Variants in TNR observed in about 807,000 individuals in gnomAD.
The protein encoded by TNR is tenascin R, also known as tenascin-R.
In TNR, 45 loss-of-function variants were observed where a neutral mutation model predicts 150.4. The observed-to-expected ratio is 0.30, with a 90% CI of 0.24 to 0.38. The LOEUF (loss-of-function observed/expected upper bound fraction) is 0.38. Ranked by LOEUF, TNR falls within the 10% of genes least tolerant of loss-of-function variation. The pLI is 1.00. For synonymous variants in TNR, 687 were observed against 678.4 expected, an observed-to-expected ratio of 1.01 and a Z score of -0.20; for missense variants, 1,544 against 1,759.1, an observed-to-expected ratio of 0.88 and a Z score of 2.19.
intron 1 of TNR, among the ~76,000 whole-genome samples, chr1:175,616,016 T>A (rs1663762258): frequency 6.6e-6 from 1 of 152,216 alleles, no homozygotes; most frequent in South Asian, 2.1e-4. Context: ...ATAGCTACAT[T>A]AAGGTAATTT....
chr1:175,684,013 G>A (rs1336358777), intron 1 of TNR, among the ~76,000 whole-genome samples: 2 of 152,142 alleles, frequency 1.3e-5, no homozygotes, highest in Non-Finnish European at 2.9e-5. Flanking sequence ...AGCCAAAGTG[G>A]GATTCAGGAA....
intron 1 of TNR, among the ~76,000 whole-genome samples, chr1:175,700,082 G>A (rs191483299): frequency 5.3e-5 from 8 of 151,662 alleles, no homozygotes; most frequent in South Asian, 2.1e-4. Context: ...GACCCCAAGC[G>A]AAGGAGAAAG....
chr1:175,667,811 C>T (rs1229068539), intron 1 of TNR, among the ~76,000 whole-genome samples: 4 of 152,166 alleles, frequency 2.6e-5, no homozygotes, highest in Non-Finnish European at 5.9e-5. Context: ...ATACACTTTT[C>T]TTGTATGTTG....
intron 1 of TNR, among the ~76,000 whole-genome samples, chr1:175,646,114 A>G (rs111824331): frequency 6.6e-6 from 1 of 152,300 alleles, no homozygotes; most frequent in African/African-American, 2.4e-5. Context: ...AAGATATTCT[A>G]GTTGCACGCA....
intron 2 of TNR, among the ~76,000 whole-genome samples, chr1:175,510,198 C>T (rs1346581528): frequency 6.6e-6 from 1 of 152,148 alleles, no homozygotes; most frequent in Non-Finnish European, 1.5e-5. Flanking sequence ...CACTGCACTC[C>T]AGCCCGGATG....
chr1:175,694,679 TGA>T (rs1404501445), intron 1 of TNR, among the ~76,000 whole-genome samples: 1 of 152,194 alleles, frequency 6.6e-6, no homozygotes, highest in African/African-American at 2.4e-5. Context: ...GGGACTTTAA[TGA>T]GACAATTAAG....
At chr1:175,400,771 C>T (rs1352968647) in intron 4 of TNR, among the ~76,000 whole-genome samples, 1 of 152,160 alleles carries the variant, frequency 6.6e-6, no homozygotes, top group Non-Finnish European at 1.5e-5. Context: ...GAACATCGTG[C>T]TGTGGTGTGT....
intron 4 of TNR, among the ~76,000 whole-genome samples, 156 bp from the exon 5 acceptor site, chr1:175,396,963 G>A (rs537287010): frequency 2.6e-5 from 4 of 152,278 alleles, no homozygotes; most frequent in East Asian, 1.9e-4. Flanking sequence ...TTTGTGAGCA[G>A]GCTCTTGTCT....
chr1:175,458,118 C>A (rs1048550319), intron 2 of TNR, among the ~76,000 whole-genome samples: 2 of 152,200 alleles, frequency 1.3e-5, no homozygotes, highest in African/African-American at 2.4e-5. Context: ...GAGCCTGGTG[C>A]AGAGCTCCAT....
chr1:175,690,523 G>C (rs1666329598), intron 1 of TNR, among the ~76,000 whole-genome samples: 1 of 152,238 alleles, frequency 6.6e-6, no homozygotes, highest in Non-Finnish European at 1.5e-5. Context: ...CCCCAGGTGG[G>C]AATAAGCTGG....
intron 1 of TNR, among the ~76,000 whole-genome samples, chr1:175,590,955 AAAC>A (rs1380307548): frequency 2.6e-5 from 4 of 152,238 alleles, no homozygotes; most frequent in African/African-American, 9.6e-5. Context: ...CAGGAAAAAC[AAAC>A]AATAAAACCA....
intron 2 of TNR, among the ~76,000 whole-genome samples, chr1:175,428,318 G>A (rs1296425959): frequency 6.6e-6 from 1 of 152,154 alleles, no homozygotes; most frequent in East Asian, 1.9e-4. Flanking sequence ...GCCTACTGCT[G>A]ACCAGCATCT....
intron 1 of TNR, among the ~76,000 whole-genome samples, chr1:175,541,589 T>C (rs1464208796): frequency 6.6e-6 from 1 of 152,082 alleles, no homozygotes; most frequent in Non-Finnish European, 1.5e-5. Flanking sequence ...TGATTAAAAA[T>C]GAATGAGTTT....
At chr1:175,355,914 C>T (rs900437945) in intron 16 of TNR, among the ~76,000 whole-genome samples, 4 of 152,198 alleles carry the variant, frequency 2.6e-5, no homozygotes, top group Non-Finnish European at 4.4e-5. Flanking sequence ...GATCTGGACC[C>T]TGATAAACTC....
chr1:175,359,663 C>A lies in TNR; in HGVS notation c.2923G>T (p.Ala975Ser), dbSNP rs781518751. The A allele has an allele frequency of 2.5e-6, 4 of 1,613,948 alleles. No individual in the cohort carries two copies. Among genetic ancestry groups the A allele is most frequent in the Admixed American group, 3.3e-5 (2 of 60,012 alleles). ...TPTEALLQWK[A>S]PVGEVENYVI... ...TAGTTCTCCACCTCACCCACTGGTGCCTTCCACTGCAGCAGGGCTTCTGTT... is the reference window on the plus strand; with the variant it reads ...TAGTTCTCCACCTCACCCACTGGTGACTTCCACTGCAGCAGGGCTTCTGTT... The change falls in exon 15 of 23, where the codon GCA becomes TCA. Residue 975 changes from alanine to serine, a missense_variant. Physicochemically the swap from Ala to Ser is moderately conservative, Grantham distance 99. This residue lies in a region of TNR where 1,254 missense variants were observed against 1,329.4 expected (regional missense o/e 0.94). Coordinates refer to ENST00000367674, the MANE Select transcript of TNR (RefSeq NM_003285.3).
chr1:175,661,460 C>A (rs1665369111), intron 1 of TNR, among the ~76,000 whole-genome samples: 1 of 152,126 alleles, frequency 6.6e-6, no homozygotes, highest in African/African-American at 2.4e-5. Flanking sequence ...GCAGGAACAT[C>A]AAGGAAGACT....
chr1:175,382,152 T>C (rs918987760), intron 8 of TNR, among the ~76,000 whole-genome samples: 1 of 152,236 alleles, frequency 6.6e-6, no homozygotes, highest in Admixed American at 6.5e-5. Flanking sequence ...GTGTTTATTT[T>C]CTTCTGCCTT....
At position 175,386,106 on chromosome 1, in the gene TNR, G is replaced by C. The variant is rs759604336; in HGVS notation, c.1703C>G (p.Ser568Cys). 1 of 1,612,826 alleles carries C rather than the reference G, an allele frequency of 6.2e-7. No individual in the cohort carries two copies. ...QYSVQALRPG[S>C]RYEVSVSAVR... ...GGCACTGACTGACACCTCGTATCGG[G>C]AGCCAGGCCGCAGGGCCTGCACTGA... The change falls in exon 8 of 23, where the codon TCC becomes TGC. Residue 568 changes from serine to cysteine, a missense_variant. By Grantham distance (112) the Ser-to-Cys change is moderately radical (BLOSUM62 -1). Coordinates refer to ENST00000367674, the MANE Select transcript of TNR (RefSeq NM_003285.3).
chr1:175,382,508 C>T (rs984497160), intron 8 of TNR, among the ~76,000 whole-genome samples: 4 of 152,208 alleles, frequency 2.6e-5, no homozygotes, highest in Non-Finnish European at 2.9e-5. Context: ...GCATCACTGC[C>T]AAGCAGCTAG....
Sources: gnomAD v4.1 joint callset for allele counts (sites outside exome capture counted in the v4.1 genomes callset) on GRCh38, gnomAD v4.1.1 for gene constraint, gnomAD v4.1.1 regional missense constraint, MANE v1.5 for transcripts, NCBI Gene and HGNC (gene_info 2026-07-23, HGNC 2026-07-21) for gene names.